THRAP3: variants seen among roughly 807,000 people sequenced by gnomAD.
THRAP3 encodes thyroid hormone receptor-associated protein 3.
In THRAP3, 16 loss-of-function variants were observed where a neutral mutation model predicts 101.0. That is an observed-to-expected ratio of 0.16 (90% CI 0.11 to 0.24). The LOEUF is 0.24. Among genes scored for constraint, THRAP3 ranks in the 10% least tolerant of loss-of-function variants. The pLI is 1.00. For missense variants in THRAP3, 989 were observed against 1,202.7 expected, an observed-to-expected ratio of 0.82 and a Z score of 2.63; for synonymous variants, 407 against 422.6, an observed-to-expected ratio of 0.96 and a Z score of 0.45.
chr1:36,296,791 C>T, intron 9 of THRAP3, 21 bp downstream of exon 9: 2 of 1,550,878 alleles, frequency 1.3e-6, no homozygotes, highest in South Asian at 2.5e-5. Context: ...CCCTGTTACC[C>T]CTTCCAGACT....
upstream of THRAP3, among the ~76,000 whole-genome samples, chr1:36,222,376 G>A (rs1644906402): frequency 6.6e-6 from 1 of 152,110 alleles, no homozygotes; most frequent in East Asian, 1.9e-4. Flanking sequence ...AACTGAACCT[G>A]CAATATTTGA....
intron 1 of THRAP3, among the ~76,000 whole-genome samples, chr1:36,255,365 G>A (rs1043674447): frequency 6.6e-6 from 1 of 151,504 alleles, no homozygotes; most frequent in Non-Finnish European, 1.5e-5. Flanking sequence ...ACTGTGGCTC[G>A]CACTGTAATC....
chr1:36,248,124 C>T (rs1645253799), intron 1 of THRAP3, among the ~76,000 whole-genome samples: 1 of 152,130 alleles, frequency 6.6e-6, no homozygotes, highest in African/African-American at 2.4e-5. Flanking sequence ...AGGTGATCCG[C>T]CCACTTTGGC....
chr1:36,254,015 G>A (rs1472461136), intron 1 of THRAP3, among the ~76,000 whole-genome samples: 1 of 152,028 alleles, frequency 6.6e-6, no homozygotes, highest in African/African-American at 2.4e-5. Context: ...GGTGGTTCTT[G>A]TTGAAAAATT....
At chr1:36,274,076 TCACACACACACA>T (rs763330875) in intron 2 of THRAP3, among the ~76,000 whole-genome samples, 1,799 of 44,750 alleles carry the variant, frequency 0.04, 48 homozygotes, top group East Asian at 0.11. Context: ...TGTGTGTGTG[TCACACACACACA>T]CACACACACA....
intron 1 of THRAP3, among the ~76,000 whole-genome samples, chr1:36,241,192 C>A (rs74497020): frequency 0.01 from 1,238 of 122,994 alleles, no homozygotes; most frequent in Non-Finnish European, 0.011. Context: ...GACTCCGTTT[C>A]AAAAAAAAAA....
At chr1:36,208,727 C>T in the THRAP3 span, among the ~76,000 whole-genome samples, 2 of 151,928 alleles carry the variant, frequency 1.3e-5, no homozygotes, top group Non-Finnish European at 2.9e-5. Context: ...TATGCAGTGG[C>T]ACGATCTCGC....
chr1:36,301,784 C>T, intron 11 of THRAP3, 88 bp downstream of exon 11: 3 of 1,500,800 alleles, frequency 2.0e-6, no homozygotes, highest in Non-Finnish European at 2.7e-6. Flanking sequence ...TTGTCCAAAA[C>T]TGCGATTAAA....
At position 36,228,473 on chromosome 1, in the gene THRAP3, T is replaced by A. The variant is rs1644988053; in HGVS notation, c.-135+3968T>A. ...CTGACCTCAATTGATCCGACCGTTT[T>A]GGCCTCCCAAAGTGTCGGGAAAGGT... is the stretch of plus-strand genomic sequence containing the variant. On this transcript the variant is annotated intron_variant, in intron 1 of 11. Coordinates refer to ENST00000354618, the MANE Select transcript of THRAP3 (RefSeq NM_005119.4). Among the ~76,000 whole-genome samples, 3 of 152,234 alleles carry A rather than the reference T, an allele frequency of 2.0e-5. No homozygotes were observed. The South Asian group carries it at 6.2e-4, about 31-fold the overall frequency.
At chr1:36,266,864 A>ATTTT (rs1645521043) in intron 2 of THRAP3, among the ~76,000 whole-genome samples, 1 of 139,962 alleles carries the variant, frequency 7.1e-6, no homozygotes, top group Admixed American at 7.4e-5. Context: ...TTATTTATTT[A>ATTTT]TTTATTTATT....
intron 1 of THRAP3, among the ~76,000 whole-genome samples, chr1:36,251,955 T>C (rs184507697): frequency 1.3e-5 from 2 of 152,258 alleles, no homozygotes; most frequent in East Asian, 1.9e-4. Flanking sequence ...TGTGCTCTTA[T>C]TATTTATTGA....
chr1:36,240,378 G>A (rs1645141156), intron 1 of THRAP3, among the ~76,000 whole-genome samples: 1 of 152,210 alleles, frequency 6.6e-6, no homozygotes, highest in African/African-American at 2.4e-5. Flanking sequence ...CCTGGAGTCT[G>A]ATGTCTAAGG....
chr1:36,277,649 G>A (rs1328245756), intron 2 of THRAP3, among the ~76,000 whole-genome samples: 1 of 152,030 alleles, frequency 6.6e-6, no homozygotes, highest in Non-Finnish European at 1.5e-5. Flanking sequence ...CTGGGACTGT[G>A]GGCATGCACC....
At chr1:36,281,948 T>C (rs1192824547) in intron 2 of THRAP3, among the ~76,000 whole-genome samples, 3 of 152,090 alleles carry the variant, frequency 2.0e-5, no homozygotes, top group Non-Finnish European at 2.9e-5. Context: ...TGGCCCATGC[T>C]TGTAATCCCA....
intron 1 of THRAP3, among the ~76,000 whole-genome samples, chr1:36,238,095 A>C (rs1239423576): frequency 6.6e-6 from 1 of 151,982 alleles, no homozygotes; most frequent in Non-Finnish European, 1.5e-5. Flanking sequence ...GGCCTCCCAA[A>C]GTGCTGGGAT....
chr1:36,236,635 C>T (rs897642246), intron 1 of THRAP3, among the ~76,000 whole-genome samples: 2 of 152,156 alleles, frequency 1.3e-5, no homozygotes, highest in African/African-American at 2.4e-5. Flanking sequence ...CATCTTCTGC[C>T]GGGGCCGGCT....
chr1:36,252,633 C>T (rs1645316488), intron 1 of THRAP3, among the ~76,000 whole-genome samples: 1 of 151,954 alleles, frequency 6.6e-6, no homozygotes, highest in South Asian at 2.1e-4. Flanking sequence ...TCAGGCTAGG[C>T]ACCGTGCCTC....
intron 1 of THRAP3, among the ~76,000 whole-genome samples, chr1:36,246,625 G>A (rs1229955142): frequency 6.6e-6 from 1 of 152,070 alleles, no homozygotes; most frequent in Non-Finnish European, 1.5e-5. Context: ...GGCAGATCAC[G>A]AGGTCAGGAA....
chr1:36,226,117 G>C (rs568409230), intron 1 of THRAP3, among the ~76,000 whole-genome samples: 1 of 152,198 alleles, frequency 6.6e-6, no homozygotes, highest in Admixed American at 6.5e-5. Flanking sequence ...TTTAAATTTG[G>C]TTTAGCCTGC....
Sources: allele counts gnomAD v4.1 joint callset (sites outside exome capture counted in the v4.1 genomes callset), GRCh38; gene constraint gnomAD v4.1.1; transcripts MANE v1.5; gene names NCBI Gene and HGNC (gene_info 2026-07-23, HGNC 2026-07-21).